The following PPFIBP2 variants were observed in gnomAD, a reference collection of about 807,000 sequenced individuals.
The protein encoded by PPFIBP2 is liprin-beta-2.
In PPFIBP2, 118 loss-of-function variants were observed where a neutral mutation model predicts 118.3. The observed-to-expected ratio is 1.00, with a 90% confidence interval of 0.86 to 1.16. PPFIBP2 has a LOEUF of 1.16. Among genes scored for constraint, PPFIBP2 ranks in the 50% most tolerant of loss-of-function variants. The pLI is 0.00. For missense variants in PPFIBP2, 1,195 were observed against 1,073.1 expected (o/e 1.11, Z -1.59); for synonymous variants, 414 against 397.4 (o/e 1.04, Z -0.50).
chr11:7,535,656 C>T (rs1231209419), intron 1 of PPFIBP2, among the ~76,000 whole-genome samples: 1 of 152,176 alleles, frequency 6.6e-6, no homozygotes, highest in East Asian at 1.9e-4. Flanking sequence ...TTATAACTAC[C>T]ATCATGAGAA....
chr11:7,665,450 G>A, the PPFIBP2 span: 1 of 1,613,724 alleles, frequency 6.2e-7, no homozygotes, highest in Non-Finnish European at 8.5e-7. Context: ...GATTAGTGGT[G>A]GCGGGCCACA....
chr11:7,651,119 C>A, intron 22 of PPFIBP2, 154 bp downstream of exon 22: 1 of 801,580 alleles, frequency 1.2e-6, no homozygotes, highest in Non-Finnish European at 1.9e-6. Flanking sequence ...ATTTTGATAA[C>A]TTGTCCTTGA....
chr11:7,600,767 C>T (rs1161237022), intron 5 of PPFIBP2, among the ~76,000 whole-genome samples: 1 of 152,234 alleles, frequency 6.6e-6, no homozygotes, highest in African/African-American at 2.4e-5. Context: ...TGCTGTTCTA[C>T]TCCAGTTGAC....
At chr11:7,555,428 C>T (rs1469455409) in intron 2 of PPFIBP2, among the ~76,000 whole-genome samples, 5 of 152,158 alleles carry the variant, frequency 3.3e-5, no homozygotes, top group Non-Finnish European at 5.9e-5. Context: ...TGATCAAGAC[C>T]GAGATTGTTC....
At chr11:7,597,426 C>T (rs1395584798) in intron 4 of PPFIBP2, 134 bp from the exon 5 acceptor site, 5 of 1,539,600 alleles carry the variant, frequency 3.2e-6, no homozygotes, top group Non-Finnish European at 8.7e-7. Context: ...CCACCTGCCA[C>T]TCAGCAAAAA....
At chr11:7,655,631 G>A (rs1257596856), downstream of PPFIBP2, 1 of 699,562 alleles carries the variant, frequency 1.4e-6, no homozygotes, top group Non-Finnish European at 2.1e-6. Flanking sequence ...GTCACAGCCT[G>A]AGCCTGAGCC....
At chr11:7,548,571 A>C (rs1439793397) in intron 1 of PPFIBP2, 2 of 152,220 alleles carry the variant, frequency 1.3e-5, no homozygotes, top group African/African-American at 4.8e-5. Context: ...AGGGTGGGGA[A>C]CAAGAAAAAT....
intron 5 of PPFIBP2, among the ~76,000 whole-genome samples, chr11:7,599,317 C>T (rs74051545): frequency 0.022 from 3,399 of 152,200 alleles, 144 homozygotes; most frequent in African/African-American, 0.076. Context: ...AGAGCAAGAA[C>T]ATTTGAATAC....
chr11:7,665,619 C>T, the PPFIBP2 span: 8 of 1,463,358 alleles, frequency 5.5e-6, no homozygotes, highest in Middle Eastern at 2.2e-4. Flanking sequence ...CGCCTGCACA[C>T]CCACCCTCAG....
intron 4 of PPFIBP2, among the ~76,000 whole-genome samples, chr11:7,596,658 A>G (rs1323474093): frequency 6.6e-6 from 1 of 152,164 alleles, no homozygotes; most frequent in Admixed American, 6.5e-5. Flanking sequence ...TGGATAATCT[A>G]TATGTAAATG....
At chr11:7,601,809 A>G (rs1846667859) in intron 5 of PPFIBP2, among the ~76,000 whole-genome samples, 1 of 150,816 alleles carries the variant, frequency 6.6e-6, no homozygotes, top group South Asian at 2.1e-4. Flanking sequence ...AAAATACAAA[A>G]TTAGACAGGT....
chr11:7,564,456 G>T (rs1470071886), intron 2 of PPFIBP2, among the ~76,000 whole-genome samples: 4 of 152,194 alleles, frequency 2.6e-5, no homozygotes, highest in African/African-American at 9.7e-5. Flanking sequence ...AGAGCATATA[G>T]AGATATATAG....
intron 1 of PPFIBP2, 63 bp from the exon 2 acceptor site, chr11:7,549,377 A>C: frequency 7.0e-7 from 1 of 1,431,286 alleles, no homozygotes; most frequent in Non-Finnish European, 9.6e-7. Context: ...GATTTTTGCG[A>C]TCTTGTGTGC....
At chr11:7,538,473 C>T (rs907199139) in intron 1 of PPFIBP2, 1 of 152,740 alleles carries the variant, frequency 6.5e-6, no homozygotes, top group African/African-American at 2.4e-5. Flanking sequence ...GTCATGGAGC[C>T]TTGCTTAAAG....
chr11:7,518,442 A>G (rs542401890), intron 1 of PPFIBP2, among the ~76,000 whole-genome samples: 2 of 152,156 alleles, frequency 1.3e-5, no homozygotes, highest in African/African-American at 4.8e-5. Flanking sequence ...AAGGAAACAC[A>G]TAATCGTGTG....
intron 1 of PPFIBP2, among the ~76,000 whole-genome samples, chr11:7,518,675 C>G (rs1564931751): frequency 6.6e-6 from 1 of 152,082 alleles, no homozygotes; most frequent in East Asian, 1.9e-4. Flanking sequence ...GGGTAAGGTA[C>G]TGAAACTCCC....
intron 5 of PPFIBP2, among the ~76,000 whole-genome samples, chr11:7,609,401 G>A (rs1038900435): frequency 3.9e-5 from 6 of 152,132 alleles, no homozygotes; most frequent in African/African-American, 1.4e-4. Context: ...CCGGGATTTT[G>A]GACCTCATAG....
intron 2 of PPFIBP2, among the ~76,000 whole-genome samples, chr11:7,555,055 T>G (rs980056094): frequency 6.6e-6 from 1 of 152,166 alleles, no homozygotes; most frequent in African/African-American, 2.4e-5. Context: ...AATTGAACTC[T>G]ATATTGCTTA....
chr11:7,551,813 G>A (rs1232226360), intron 2 of PPFIBP2, among the ~76,000 whole-genome samples: 1 of 152,226 alleles, frequency 6.6e-6, no homozygotes, highest in Non-Finnish European at 1.5e-5. Context: ...AAATGACAGA[G>A]CCTCTGGCAA....
Sources: allele counts gnomAD v4.1 joint callset (sites outside exome capture counted in the v4.1 genomes callset), GRCh38; gene constraint gnomAD v4.1.1; transcripts MANE v1.5; gene names NCBI Gene and HGNC (gene_info 2026-07-23, HGNC 2026-07-21).